TRMT1: variants seen among roughly 807,000 people sequenced by gnomAD.
TRMT1 encodes tRNA methyltransferase 1.
Under a neutral mutation model 75.4 loss-of-function variants are expected in TRMT1, and 63 were observed. The ratio of observed to expected loss-of-function variants is 0.84; its 90% confidence interval spans 0.68 to 1.03. The LOEUF (loss-of-function observed/expected upper bound fraction) is 1.03, where lower values mean the gene tolerates loss of function less well. Ranked by LOEUF, TRMT1 falls within the 50% of genes least tolerant of loss-of-function variation. The probability of loss-of-function intolerance (pLI) is 0.00; values close to 1 mark genes in which losing one functional copy is unlikely to be tolerated. For missense variants in TRMT1, 870 were observed against 905.3 expected, an observed-to-expected ratio of 0.96 and a Z score of 0.50; for synonymous variants, 382 against 358.1, an observed-to-expected ratio of 1.07 and a Z score of -0.75.
chr19:13,116,489 G>A, intron 1 of TRMT1, 58 bp from the exon 2 acceptor site: 1 of 1,501,206 alleles, frequency 6.7e-7, no homozygotes, highest in Admixed American at 2.1e-5. Flanking sequence ...TTCCGGGCCC[G>A]GGGATGTCCT....
chr19:13,106,247 T>C (rs2018863340), intron 14 of TRMT1, among the ~76,000 whole-genome samples: 1 of 151,202 alleles, frequency 6.6e-6, no homozygotes, highest in Admixed American at 6.6e-5. Context: ...TTTTTTAGTT[T>C]TCTGGTAGAG....
chr19:13,108,480 A>G (rs1309762389), intron 12 of TRMT1, among the ~76,000 whole-genome samples: 3 of 150,772 alleles, frequency 2.0e-5, no homozygotes, highest in Admixed American at 1.3e-4. Context: ...TTTAGTAGAG[A>G]TGGGGTTTCG....
At chr19:13,110,347 C>T (rs1292812694) in intron 7 of TRMT1, 41 bp from the exon 8 acceptor site, 2 of 1,543,464 alleles carry the variant, frequency 1.3e-6, no homozygotes, top group Non-Finnish European at 1.8e-6. Flanking sequence ...CTCCACTATC[C>T]ACCCACCCCA....
chr19:13,116,533 C>A (rs1344129506), intron 1 of TRMT1, 102 bp from the exon 2 acceptor site: 15 of 1,265,794 alleles, frequency 1.2e-5, no homozygotes, highest in Non-Finnish European at 1.6e-5. Flanking sequence ...GGAAAACCTG[C>A]GGCCTCGGTA....
Position 13,112,777 on chromosome 19 carries a change from C to T in TRMT1, c.798G>A (p.Ala266=), listed in dbSNP as rs143907938. The change falls in exon 7 of 17, where the codon GCG becomes GCA. Residue 266 remains alanine, a synonymous_variant. Coordinates refer to ENST00000357720, the MANE Select transcript of TRMT1 (RefSeq NM_001136035.4). ...CVTCTDMAVL[A]GNSGETCYSK... is the part of the protein sequence containing the mutation. ...TGTAGCACGTCTCCCCGCTGTTCCCCGCCAACACCGCCATGTCTGTGCAGG... is the reference window on the plus strand; with the variant it reads ...TGTAGCACGTCTCCCCGCTGTTCCCTGCCAACACCGCCATGTCTGTGCAGG... The T allele has an allele frequency of 4.5e-5, 73 of 1,613,968 alleles. No individual in the cohort carries two copies. The highest frequency in any genetic ancestry group is 6.0e-5 in the Non-Finnish European group (71 of 1,180,018).
At position 13,116,685 on chromosome 19, in the gene TRMT1, C is replaced by A. The variant is rs1406697257; in HGVS notation, c.-65G>T. 4.6e-5 allele frequency: 21 copies of A among 454,770 alleles called. No individual in the cohort carries two copies. Among genetic ancestry groups the A allele is most frequent in the Non-Finnish European group, 8.3e-5 (21 of 253,824 alleles). 28.2% of individuals were successfully genotyped at this position (454,770 alleles called of 1,614,324 possible). ...CGTAGCCACAGAAAACCGAATTAGT[C>A]AAGGTGCACGTTTCCCGAATTAGGA... is the stretch of plus-strand genomic sequence containing the variant. On this transcript the variant is annotated 5_prime_UTR_variant, in exon 1 of 17. Coordinates refer to ENST00000357720, the MANE Select transcript of TRMT1 (RefSeq NM_001136035.4).
intron 5 of TRMT1, among the ~76,000 whole-genome samples, chr19:13,114,746 CA>C (rs572144460): frequency 7.9e-5 from 12 of 152,238 alleles, no homozygotes; most frequent in Middle Eastern, 3.4e-3. Context: ...GAGGCTGAGG[CA>C]GGGGAATGGC....
chr19:13,115,578 G>A (rs2019310997), intron 4 of TRMT1, 48 bp downstream of exon 4: 1 of 1,610,660 alleles, frequency 6.2e-7, no homozygotes, highest in East Asian at 2.2e-5. Context: ...GGAGCCCTCT[G>A]TCTCCCGCTA....
At position 13,116,311 on chromosome 19, in the gene TRMT1, C is replaced by T; in HGVS notation, c.89G>A (p.Gly30Glu). ...RARFFEWQSP[G>E]LPNTAAMENG... ...CTCCATCGCTGCTGTATTCGGCAGCCCTGGAGACTGCCACTCGAAAAACCG... is the reference window on the plus strand; with the variant it reads ...CTCCATCGCTGCTGTATTCGGCAGCTCTGGAGACTGCCACTCGAAAAACCG... Residue 30 changes from glycine (G) to glutamate (E), a missense_variant, in exon 2 of 17, where the codon GGG (glycine) becomes GAG (glutamate). By Grantham distance (98) the Gly-to-Glu change is moderately conservative. Coordinates refer to ENST00000357720, the MANE Select transcript of TRMT1 (RefSeq NM_001136035.4). The T allele has an allele frequency of 1.2e-6, 2 of 1,613,986 alleles. No homozygotes were observed. Among genetic ancestry groups the T allele is most frequent in the African/African-American group, 1.3e-5 (1 of 75,030 alleles).
At chr19:13,105,197 A>C in intron 16 of TRMT1, 70 bp downstream of exon 16, 1 of 1,566,228 alleles carries the variant, frequency 6.4e-7, no homozygotes, top group Admixed American at 1.8e-5. Context: ...AGCTCCCCCA[A>C]TTCTCTCCCT....
At chr19:13,106,229 C>A (rs2018862343) in intron 14 of TRMT1, among the ~76,000 whole-genome samples, 1 of 151,124 alleles carries the variant, frequency 6.6e-6, no homozygotes, top group Non-Finnish European at 1.5e-5. Context: ...CCACCATGCC[C>A]AGCTAATTTT....
chr19:13,107,883 G>A, intron 12 of TRMT1, 24 bp from the exon 13 acceptor site: 1 of 1,547,768 alleles, frequency 6.5e-7, no homozygotes, highest in Non-Finnish European at 8.7e-7. Flanking sequence ...GGGATTATGA[G>A]GGAGATGCCG....
At position 13,109,631 on chromosome 19, in the gene TRMT1, A is replaced by G. The variant is rs761864491; in HGVS notation, c.1230T>C (p.Arg410=). 4 of 1,613,924 alleles carry G rather than the reference A, an allele frequency of 2.5e-6. No homozygotes were observed. Among genetic ancestry groups the G allele is most frequent in the Middle Eastern group, 1.6e-4 (1 of 6,062 alleles). Residue 410 remains arginine (R), a synonymous_variant, in exon 11 of 17, where the codon CGT becomes CGC. Coordinates refer to ENST00000357720, the MANE Select transcript of TRMT1 (RefSeq NM_001136035.4). ...EPIHDLDFVG[R]VLEAVSANPG... is the part of the protein sequence containing the mutation. ...GGTTAGCGCTCACAGCCTCCAGGAC[A>G]CGGCCCACAAAATCCAGGTCATGGA...
rs2064765298 is a variant in TRMT1, at chr19:13,116,691, G to C, written c.-71C>G. On this transcript the variant is annotated 5_prime_UTR_variant, in exon 1 of 17. Coordinates refer to ENST00000357720, the MANE Select transcript of TRMT1 (RefSeq NM_001136035.4). ...CACAGAAAACCGAATTAGTCAAGGT[G>C]CACGTTTCCCGAATTAGGACCTGGG... The C allele has an allele frequency of 6.9e-6, 3 of 432,982 alleles. No individual in the cohort carries two copies. The highest frequency in any genetic ancestry group is 1.2e-5 in the Non-Finnish European group (3 of 240,826). 26.8% of individuals were successfully genotyped at this position (432,982 alleles called of 1,614,324 possible).
chr19:13,106,220 C>T (rs1407913185), intron 14 of TRMT1, among the ~76,000 whole-genome samples: 1 of 152,038 alleles, frequency 6.6e-6, no homozygotes, highest in South Asian at 2.1e-4. Context: ...AGGCAGGTAC[C>T]ACCATGCCCA....
Position 13,115,450 on chromosome 19 carries a change from A to G in TRMT1, c.470T>C (p.Leu157Pro), listed in dbSNP as rs1341919371. ...TAGGCCTGAAGCTGCCAGGCCTTCC[A>G]GCACATGCAGGCCTTCCTGTTGGAG... ...GEICEEGLHVLEGLAASGLRS... is the reference protein window; with the variant it reads ...GEICEEGLHVPEGLAASGLRS... Residue 157 changes from leucine (L) to proline (P), a missense_variant, in exon 5 of 17, where the codon CTG (leucine) becomes CCG (proline). By Grantham distance (98) the Leu-to-Pro change is moderately conservative. Coordinates refer to ENST00000357720, the MANE Select transcript of TRMT1 (RefSeq NM_001136035.4). 5.6e-6 allele frequency: 9 copies of G among 1,613,238 alleles called. No homozygotes were observed. The African/African-American group carries it at 8.0e-5, about 14-fold the overall frequency.
At position 13,110,187 on chromosome 19, in the gene TRMT1, G is replaced by A. The variant is rs143209460; in HGVS notation, c.990C>T (p.Thr330=). Residue 330 remains threonine (T), a synonymous_variant, in exon 8 of 17, where the codon ACC becomes ACT. Transcript: ENST00000357720. ...CTGAGGCCTTGACCTTGGCCTGGCC[G>A]GTGAAGACACGGACAAAAACACGCA... ...FYVRVFVRVF[T]GQAKVKASAS... is the part of the protein sequence containing the mutation. 4.0e-5 allele frequency: 64 copies of A among 1,612,238 alleles called. No homozygotes were observed. Among genetic ancestry groups the A allele is most frequent in the African/African-American group, 6.7e-5 (5 of 74,874 alleles).
Position 13,107,791 on chromosome 19 carries a change from T to G in TRMT1, c.1466A>C (p.Asp489Ala), listed in dbSNP as rs779187694. Residue 489 changes from aspartate (D) to alanine (A), a missense_variant, in exon 13 of 17, where the codon GAT becomes GCT. By Grantham distance (126) the Asp-to-Ala change is moderately radical. Coordinates refer to ENST00000357720, the MANE Select transcript of TRMT1 (RefSeq NM_001136035.4). ...GTCCCAGAGGGCAGAGGCAGGGGCA[T>G]CCGTCTTCACAGCGTTCTTACAGGC... is the stretch of plus-strand genomic sequence containing the variant. ...SHACKNAVKTDAPASALWDIM... is the reference protein window; with the variant it reads ...SHACKNAVKTAAPASALWDIM... The G allele has an allele frequency of 1.9e-6, 3 of 1,552,586 alleles. No individual in the cohort carries two copies. The highest frequency in any genetic ancestry group is 2.6e-6 in the Non-Finnish European group (3 of 1,147,426).
intron 14 of TRMT1, among the ~76,000 whole-genome samples, chr19:13,106,813 TTTTATTTATTTA>T (rs140417503): frequency 1.4e-5 from 2 of 143,438 alleles, no homozygotes; most frequent in African/African-American, 2.6e-5. Context: ...TTATTTTTAT[TTTTATTTATTTA>T]TTTATTTATT....
Sources: allele counts gnomAD v4.1 joint callset (sites outside exome capture counted in the v4.1 genomes callset), GRCh38; gene constraint gnomAD v4.1.1; transcripts MANE v1.5; gene names NCBI Gene and HGNC (gene_info 2026-07-23, HGNC 2026-07-21).